Variants in DOCK4 observed in about 807,000 individuals in gnomAD.
DOCK4 encodes the protein dedicator of cytokinesis protein 4.
A neutral mutation model predicts 268.1 loss-of-function variants in DOCK4; 97 were observed. That is an observed-to-expected ratio of 0.36 (90% CI 0.31 to 0.43). The LOEUF is 0.43. DOCK4 is among the 20% of genes least tolerant of loss of function. The pLI is 1.00. For missense variants in DOCK4, 2,145 were observed against 2,455.7 expected (o/e 0.87, Z 2.67); for synonymous variants, 954 against 887.2 (o/e 1.08, Z -1.34).
chr7:111,802,811 T>C (rs927414636), intron 30 of DOCK4, among the ~76,000 whole-genome samples: 5 of 152,214 alleles, frequency 3.3e-5, no homozygotes, highest in Non-Finnish European at 5.9e-5. Flanking sequence ...ACATCCATCA[T>C]CTAGCTTCAG....
chr7:111,995,413 TTGTGTG>T (rs71529492), intron 4 of DOCK4, among the ~76,000 whole-genome samples: 15,718 of 116,784 alleles, frequency 0.13, 958 homozygotes, highest in South Asian at 0.19. Flanking sequence ...AATTCTTTCT[TTGTGTG>T]TGTGTGTGTG....
intron 1 of DOCK4, among the ~76,000 whole-genome samples, chr7:112,114,931 C>A (rs1345839689): frequency 6.6e-6 from 1 of 152,126 alleles, no homozygotes; most frequent in African/African-American, 2.4e-5. Flanking sequence ...TACAGACTCT[C>A]CAGAAGGGTC....
intron 39 of DOCK4, among the ~76,000 whole-genome samples, chr7:111,760,974 A>G (rs1200193616): frequency 6.6e-6 from 1 of 151,996 alleles, no homozygotes; most frequent in Non-Finnish European, 1.5e-5. Context: ...AGCACACTGC[A>G]TGTCTTATTT....
intron 8 of DOCK4, among the ~76,000 whole-genome samples, chr7:111,969,209 A>AT (rs952338866): frequency 3.6e-5 from 5 of 138,010 alleles, no homozygotes; most frequent in East Asian, 2.0e-4. Context: ...TTAGAGTATA[A>AT]TAAAAAAAAA....
At chr7:112,110,169 C>T (rs7783636) in intron 1 of DOCK4, among the ~76,000 whole-genome samples, 101,374 of 152,154 alleles carry the variant, frequency 0.67, 35,561 homozygotes, top group African/African-American at 0.89. Context: ...TGTTTTCTTT[C>T]ATTAAATTGT....
chr7:111,835,556 T>C (rs1803172848), intron 25 of DOCK4, among the ~76,000 whole-genome samples: 1 of 152,238 alleles, frequency 6.6e-6, no homozygotes, highest in African/African-American at 2.4e-5. Flanking sequence ...GCATTTTCAA[T>C]GCAACCTTTT....
chr7:112,054,672 T>C (rs1029298477), intron 1 of DOCK4, among the ~76,000 whole-genome samples: 1 of 152,184 alleles, frequency 6.6e-6, no homozygotes, highest in Admixed American at 6.5e-5. Context: ...TATTCACCTA[T>C]GCTCCCAAAT....
intron 30 of DOCK4, among the ~76,000 whole-genome samples, chr7:111,797,305 C>A (rs942872513): frequency 6.6e-6 from 1 of 152,178 alleles, no homozygotes; most frequent in African/African-American, 2.4e-5. Context: ...ATCTAAAAAT[C>A]CCCCTTATTT....
chr7:111,782,756 T>C (rs1585970978), intron 35 of DOCK4, 108 bp downstream of exon 35: 1 of 1,167,028 alleles, frequency 8.6e-7, no homozygotes. Flanking sequence ...AAAATAACTC[T>C]TCTAAGAAAC....
chr7:111,776,031 G>A (rs1484909381), intron 36 of DOCK4, among the ~76,000 whole-genome samples: 1 of 152,090 alleles, frequency 6.6e-6, no homozygotes, highest in Non-Finnish European at 1.5e-5. Context: ...CAAACCAATG[G>A]ATCAATATAA....
chr7:111,746,287 C>A, intron 44 of DOCK4, 47 bp downstream of exon 44: 1 of 1,514,734 alleles, frequency 6.6e-7, no homozygotes, highest in Non-Finnish European at 9.1e-7. Flanking sequence ...GGTAAGCAAG[C>A]ACATATCCAG....
intron 1 of DOCK4, among the ~76,000 whole-genome samples, chr7:112,188,332 T>C (rs574977049): frequency 6.6e-6 from 1 of 152,354 alleles, no homozygotes; most frequent in East Asian, 1.9e-4. Context: ...ATGAATTCTA[T>C]AATTTCAAGG....
At chr7:111,760,129 A>G in intron 40 of DOCK4, 52 bp downstream of exon 40, 2 of 1,594,302 alleles carry the variant, frequency 1.3e-6, no homozygotes. Flanking sequence ...AATGCTCTGC[A>G]GCTAAGAGCC....
intron 1 of DOCK4, among the ~76,000 whole-genome samples, chr7:112,008,184 G>A (rs1430611088): frequency 6.6e-6 from 1 of 152,116 alleles, no homozygotes; most frequent in African/African-American, 2.4e-5. Flanking sequence ...AGTCATACGG[G>A]CCCTGAGAGC....
intron 10 of DOCK4, among the ~76,000 whole-genome samples, chr7:111,942,244 C>CT (rs1025932036): frequency 4.0e-5 from 6 of 151,464 alleles, no homozygotes; most frequent in African/African-American, 9.7e-5. Flanking sequence ...ATTAATTTCT[C>CT]TTTTTTTTTC....
At position 111,728,526 on chromosome 7, in the gene DOCK4, G is replaced by GGGCACC. The variant is rs780861214; in HGVS notation, c.5670_5675dup (p.Val1893_Pro1894dup). On this transcript the variant is annotated inframe_insertion, in exon 53 of 53. Coordinates refer to ENST00000428084, the MANE Select transcript of DOCK4 (RefSeq NM_001363540.2). ...GCTCCTCCCCGCCGTAGCTCGGCAC[G>GGGCACC]GGCACCGGCACTGGCACCGGCAGGG... The GGGCACC allele has an allele frequency of 7.8e-5, 126 of 1,613,336 alleles. No homozygotes were observed. Among genetic ancestry groups the GGGCACC allele is most frequent in the Non-Finnish European group, 1.0e-4 (120 of 1,179,852 alleles).
chr7:112,109,394 T>TA (rs1811425530), intron 1 of DOCK4, among the ~76,000 whole-genome samples: 1 of 151,936 alleles, frequency 6.6e-6, no homozygotes, highest in Non-Finnish European at 1.5e-5. Flanking sequence ...GGCCCCCCAA[T>TA]AAGTCACAGA....
intron 23 of DOCK4, among the ~76,000 whole-genome samples, chr7:111,850,430 A>G: frequency 6.6e-6 from 1 of 151,878 alleles, no homozygotes. Flanking sequence ...TTATTGCAAA[A>G]TCCTTTTGCA....
chr7:112,089,566 T>G (rs1809433782), intron 1 of DOCK4, among the ~76,000 whole-genome samples: 1 of 152,136 alleles, frequency 6.6e-6, no homozygotes, highest in South Asian at 2.1e-4. Context: ...TACGGTTTGG[T>G]GTTTGATATG....
Sources: gnomAD v4.1 joint callset for allele counts (sites outside exome capture counted in the v4.1 genomes callset) on GRCh38, gnomAD v4.1.1 for gene constraint, MANE v1.5 for transcripts, NCBI Gene and HGNC (gene_info 2026-07-23, HGNC 2026-07-21) for gene names.